The following DYSF variants were observed in gnomAD, a reference collection of about 807,000 sequenced individuals.
DYSF encodes the protein dysferlin, also known as dystrophy-associated fer-1-like 1.
DYSF carries 212 observed loss-of-function variants against 274.9 expected under a neutral mutation model. The ratio of observed to expected loss-of-function variants is 0.77; its 90% CI spans 0.69 to 0.86. The LOEUF (loss-of-function observed/expected upper bound fraction) is 0.86. Ranked by LOEUF, DYSF falls within the 40% of genes least tolerant of loss-of-function variation. DYSF has a pLI of 0.00. For synonymous variants in DYSF, 1,091 were observed against 1,078.7 expected, an observed-to-expected ratio of 1.01 and a Z score of -0.22; for missense variants, 2,666 against 2,783.2, an observed-to-expected ratio of 0.96 and a Z score of 0.95.
chr2:71,643,971 G>A lies in DYSF; in HGVS notation c.4534G>A (p.Glu1512Lys). The A allele has an allele frequency of 6.2e-7, 1 of 1,609,658 alleles. No individual in the cohort carries two copies. Among genetic ancestry groups the A allele is most frequent in the Non-Finnish European group, 8.5e-7 (1 of 1,177,738 alleles). The change falls in exon 42 of 56, where the codon GAG (glutamate) becomes AAG (lysine). Residue 1512 changes from glutamate to lysine, a missense_variant. Glu to Lys is a moderately conservative substitution (Grantham distance 56). Transcript: ENST00000410020. ...TTTCTTTCTACCCACTCAGGAGGAAGAGTTCATCGATTGGTGGAGCAAATT... is the reference window on the plus strand; with the variant it reads ...TTTCTTTCTACCCACTCAGGAGGAAAAGTTCATCGATTGGTGGAGCAAATT... ...ASPPSSPHEEEFIDWWSKFFA... is the reference protein window; with the variant it reads ...ASPPSSPHEEKFIDWWSKFFA...
intron 26 of DYSF, among the ~76,000 whole-genome samples, chr2:71,568,908 G>A (rs1458953604): frequency 6.8e-6 from 1 of 146,616 alleles, no homozygotes; most frequent in Non-Finnish European, 1.5e-5. Flanking sequence ...AGTCTCGCTC[G>A]GTCGCCCAGG....
intron 1 of DYSF, among the ~76,000 whole-genome samples, chr2:71,470,875 G>A (rs1045230731): frequency 1.5e-4 from 22 of 147,552 alleles, no homozygotes; most frequent in Non-Finnish European, 2.8e-4. Context: ...CATTGCAACC[G>A]CCGCCTCCCA....
rs551141688 is a variant in DYSF, at chr2:71,525,902, C to G, written c.1150-318C>G. Among the ~76,000 whole-genome samples, 3 of 152,232 alleles carry G rather than the reference C, an allele frequency of 2.0e-5. No homozygotes were observed. The East Asian group carries it at 5.8e-4, about 29-fold the overall frequency. On this transcript the variant is annotated intron_variant, in intron 12 of 55. Coordinates refer to ENST00000410020, the MANE Select transcript of DYSF (RefSeq NM_001130987.2). ...CAGTTACTACTGTACTATGTTTTAA[C>G]CGGGAGGTGGGGGAGAGCGGGAAGG...
chr2:71,666,857 C>T (rs756201747), intron 47 of DYSF, among the ~76,000 whole-genome samples: 3 of 152,234 alleles, frequency 2.0e-5, no homozygotes, highest in Non-Finnish European at 4.4e-5. Context: ...CTCATGAAGA[C>T]TAAATATGTT....
At chr2:71,555,123 C>T (rs946701191) in intron 21 of DYSF, among the ~76,000 whole-genome samples, 11 of 152,076 alleles carry the variant, frequency 7.2e-5, no homozygotes, top group Non-Finnish European at 1.5e-4. Context: ...CCCACCTTCC[C>T]AGAGACTGGC....
intron 14 of DYSF, among the ~76,000 whole-genome samples, chr2:71,529,947 T>C (rs966641537): frequency 6.6e-6 from 1 of 152,276 alleles, no homozygotes; most frequent in Non-Finnish European, 1.5e-5. Flanking sequence ...GTATGAATTA[T>C]ACTGAAGGTG....
At chr2:71,542,753 A>T (rs2090039899) in intron 17 of DYSF, among the ~76,000 whole-genome samples, 1 of 152,192 alleles carries the variant, frequency 6.6e-6, no homozygotes, top group South Asian at 2.1e-4. Flanking sequence ...AACAAAATGG[A>T]GTCTCCTATG....
chr2:71,590,364 A>G, intron 32 of DYSF, 76 bp downstream of exon 32: 3 of 1,530,288 alleles, frequency 2.0e-6, no homozygotes, highest in Non-Finnish European at 2.7e-6. Context: ...CTTTCGGGCA[A>G]CAAGGGGTGC....
chr2:71,599,469 G>C (rs1558580278), intron 33 of DYSF, among the ~76,000 whole-genome samples: 1 of 152,248 alleles, frequency 6.6e-6, no homozygotes, highest in Non-Finnish European at 1.5e-5. Context: ...CTCCCAGGAG[G>C]GAGAGAGTGC....
At position 71,669,221 on chromosome 2, in the gene DYSF, G is replaced by A. The variant is rs377398673; in HGVS notation, c.5642+14G>A. On this transcript the variant is annotated intron_variant, in intron 50 of 55. Transcript: ENST00000410020. ...TTATGTGAAAGGGTAGGGAGCCAGC[G>A]TCCTCTTGCCTGTCCAGCTTCCCGC... The A allele has an allele frequency of 1.8e-5, 29 of 1,589,716 alleles. No homozygotes were observed. The highest frequency in any genetic ancestry group is 5.7e-5 in the South Asian group (5 of 87,494).
chr2:71,561,526 G>A (rs910252235), intron 22 of DYSF, among the ~76,000 whole-genome samples: 6 of 152,210 alleles, frequency 3.9e-5, no homozygotes, highest in Admixed American at 3.3e-4. Context: ...GGGGGCTCCA[G>A]ATCAGGAGGC....
At chr2:71,572,339 A>G (rs1036722528) in intron 29 of DYSF, among the ~76,000 whole-genome samples, 2 of 150,200 alleles carry the variant, frequency 1.3e-5, no homozygotes, top group African/African-American at 4.9e-5. Context: ...GCACACCCAC[A>G]GATCACACCC....
chr2:71,594,220 A>G (rs2093347409), intron 32 of DYSF, among the ~76,000 whole-genome samples: 1 of 152,164 alleles, frequency 6.6e-6, no homozygotes, highest in African/African-American at 2.4e-5. Context: ...GGGTTTCCCA[A>G]GTCTGAACTC....
chr2:71,488,878 C>G (rs923216768), intron 3 of DYSF, among the ~76,000 whole-genome samples: 1 of 152,142 alleles, frequency 6.6e-6, no homozygotes, highest in Non-Finnish European at 1.5e-5. Context: ...ATGGTCTGAG[C>G]ATCAGTCATG....
intron 38 of DYSF, 123 bp downstream of exon 38, chr2:71,611,749 T>C: frequency 7.9e-7 from 1 of 1,272,738 alleles, no homozygotes; most frequent in Non-Finnish European, 1.1e-6. Flanking sequence ...CCCCTCACTT[T>C]CCTGTGAACA....
At chr2:71,654,170 C>T (rs2152935083) in intron 42 of DYSF, among the ~76,000 whole-genome samples, 1 of 152,242 alleles carries the variant, frequency 6.6e-6, no homozygotes, top group East Asian at 1.9e-4. Context: ...ATTATTATCT[C>T]TATTAAATAA....
At chr2:71,654,890 G>A (rs2094738938) in intron 42 of DYSF, among the ~76,000 whole-genome samples, 1 of 152,024 alleles carries the variant, frequency 6.6e-6, no homozygotes, top group African/African-American at 2.4e-5. Context: ...ACCAACCTGG[G>A]CAACATGGCC....
At chr2:71,662,512 G>A (rs1185608905) in intron 45 of DYSF, among the ~76,000 whole-genome samples, 1 of 148,470 alleles carries the variant, frequency 6.7e-6, no homozygotes, top group Non-Finnish European at 1.5e-5. Flanking sequence ...GTGTATATGT[G>A]TATGTGTGTC....
At chr2:71,474,834 C>T (rs975068837) in intron 1 of DYSF, among the ~76,000 whole-genome samples, 2 of 152,174 alleles carry the variant, frequency 1.3e-5, no homozygotes, top group South Asian at 2.1e-4. Flanking sequence ...GTTAAGGAAG[C>T]CTGGAGCACC....
Sources: gnomAD v4.1 joint callset for allele counts (sites outside exome capture counted in the v4.1 genomes callset) on GRCh38, gnomAD v4.1.1 for gene constraint, MANE v1.5 for transcripts, NCBI Gene and HGNC (gene_info 2026-07-23, HGNC 2026-07-21) for gene names.